The following ZFHX4 variants were observed in gnomAD, a reference collection of about 807,000 sequenced individuals.
ZFHX4 encodes the protein zinc finger homeobox 4, also known as zinc finger homeobox protein 4.
In ZFHX4, 56 loss-of-function variants were observed where a neutral mutation model predicts 267.6. That is an observed-to-expected ratio of 0.21 (90% CI 0.17 to 0.26). The LOEUF (loss-of-function observed/expected upper bound fraction) is 0.26, where lower values mean the gene tolerates loss of function less well. Among genes scored for constraint, ZFHX4 ranks in the 10% least tolerant of loss-of-function variants. The pLI is 1.00. For synonymous variants in ZFHX4, 1,778 were observed against 1,665.6 expected (o/e 1.07, Z -1.64); for missense variants, 4,332 against 4,420.0 (o/e 0.98, Z 0.56).
At chr8:76,826,979 G>A (rs1225415233) in intron 4 of ZFHX4, among the ~76,000 whole-genome samples, 1 of 152,208 alleles carries the variant, frequency 6.6e-6, no homozygotes, top group Non-Finnish European at 1.5e-5. Flanking sequence ...TTTATGGATA[G>A]GGATCAGTTC....
intron 3 of ZFHX4, among the ~76,000 whole-genome samples, chr8:76,774,797 G>T (rs1810362533): frequency 1.3e-5 from 2 of 151,992 alleles, no homozygotes; most frequent in South Asian, 4.2e-4. Context: ...GATTTTTAAA[G>T]ATTTTTAGTG....
chr8:76,834,331 T>C (rs1324368500), intron 5 of ZFHX4: 1 of 251,784 alleles, frequency 4.0e-6, no homozygotes, highest in Non-Finnish European at 8.1e-6. Flanking sequence ...AAAGTGGTTG[T>C]ACCATTTTGC....
At chr8:76,682,813 C>A (rs1807577694) in intron 1 of ZFHX4, among the ~76,000 whole-genome samples, 1 of 152,062 alleles carries the variant, frequency 6.6e-6, no homozygotes, top group Non-Finnish European at 1.5e-5. Flanking sequence ...GCATCAAGTG[C>A]GCCTTCTGGC....
At chr8:76,758,431 T>C (rs1809821133) in intron 3 of ZFHX4, among the ~76,000 whole-genome samples, 1 of 152,176 alleles carries the variant, frequency 6.6e-6, no homozygotes, top group African/African-American at 2.4e-5. Context: ...GAACAGGTAT[T>C]TTCCTCTCAG....
chr8:76,727,231 G>A (rs1386613137), intron 3 of ZFHX4, among the ~76,000 whole-genome samples: 1 of 152,050 alleles, frequency 6.6e-6, no homozygotes, highest in African/African-American at 2.4e-5. Flanking sequence ...GCCACCAAAA[G>A]GAGCCTCTTT....
chr8:76,714,601 G>C (rs1297999545), intron 3 of ZFHX4, among the ~76,000 whole-genome samples: 1 of 152,190 alleles, frequency 6.6e-6, no homozygotes, highest in Non-Finnish European at 1.5e-5. Context: ...ATGGCGATTA[G>C]TATAACAGTC....
intron 4 of ZFHX4, among the ~76,000 whole-genome samples, chr8:76,808,351 A>G (rs1811295403): frequency 6.6e-6 from 1 of 152,182 alleles, no homozygotes; most frequent in Non-Finnish European, 1.5e-5. Flanking sequence ...AAGGAAAATA[A>G]AAGTGTAAGG....
rs958725895 is a variant in ZFHX4 at position 76,803,948 on chromosome 8, A to G, written c.3325+25509A>G. ...GCCCTAGATTTTGAAATACTCCTGCATTAACATTTGATTATAATTCAGACT... is the reference window on the plus strand; with the variant it reads ...GCCCTAGATTTTGAAATACTCCTGCGTTAACATTTGATTATAATTCAGACT... On this transcript the variant is annotated intron_variant, in intron 4 of 10. Transcript: ENST00000651372. Among the ~76,000 whole-genome samples, 7 of 152,166 alleles carry G rather than the reference A, an allele frequency of 4.6e-5. No individual in the cohort carries two copies. The South Asian group carries it at 1.4e-3, about 31-fold the overall frequency.
At position 76,704,619 on chromosome 8, in the gene ZFHX4, T is replaced by C. The variant is rs753175692; in HGVS notation, c.531T>C (p.Ser177=). 6.2e-7 allele frequency: 1 copy of C among 1,613,826 alleles called. No homozygotes were observed. Among genetic ancestry groups the C allele is most frequent in the African/African-American group, 1.3e-5 (1 of 74,896 alleles). The change falls in exon 2 of 11, where the codon AGT becomes AGC. Residue 177 remains serine (S), a synonymous_variant. Transcript: ENST00000651372. ...CCCTGGCATCTGCTGGAGAGAAGAG[T>C]GATCAGTCTGCTTCTGCACCTATGT... ...LDSLASAGEK[S]DQSASAPMSF...
intron 4 of ZFHX4, among the ~76,000 whole-genome samples, chr8:76,789,682 T>A (rs1372076141): frequency 2.0e-5 from 3 of 152,188 alleles, no homozygotes; most frequent in African/African-American, 7.2e-5. Context: ...GGATTTGAGA[T>A]CTGAAGTATC....
intron 1 of ZFHX4, among the ~76,000 whole-genome samples, chr8:76,698,849 G>A (rs1379430027): frequency 6.6e-6 from 1 of 152,104 alleles, no homozygotes; most frequent in Non-Finnish European, 1.5e-5. Flanking sequence ...CGTGACATGG[G>A]TGGAAAGTTT....
At chr8:76,748,783 T>C (rs943863815) in intron 3 of ZFHX4, among the ~76,000 whole-genome samples, 15 of 152,192 alleles carry the variant, frequency 9.9e-5, no homozygotes, top group African/African-American at 3.6e-4. Flanking sequence ...TTCCACTTAC[T>C]GCACCTTTTC....
At position 76,849,090 on chromosome 8, in the gene ZFHX4, T is replaced by A; in HGVS notation, c.3607T>A (p.Ser1203Thr). 1.3e-6 allele frequency: 2 copies of A among 1,567,254 alleles called. No individual in the cohort carries two copies. Among genetic ancestry groups the A allele is most frequent in the Non-Finnish European group, 1.7e-6 (2 of 1,155,598 alleles). The change falls in exon 7 of 11, where the codon TCA becomes ACA. Residue 1203 changes from serine to threonine, a missense_variant. Physicochemically the swap from Ser to Thr is moderately conservative, Grantham distance 58. Transcript: ENST00000651372. ...AKEEDVATKR[S>T]KPTEDNKFCH... ...AGAAGAGGATGTTGCAACAAAAAGG[T>A]CAAAACCTACAGAGGACAATAAATT...
chr8:76,722,890 A>G (rs1176866380), intron 3 of ZFHX4, among the ~76,000 whole-genome samples: 1 of 152,016 alleles, frequency 6.6e-6, no homozygotes, highest in African/African-American at 2.4e-5. Flanking sequence ...TGGTTACACT[A>G]TTATATCTAG....
chr8:76,845,368 T>C (rs1041105079), intron 6 of ZFHX4, among the ~76,000 whole-genome samples: 2 of 152,094 alleles, frequency 1.3e-5, no homozygotes, highest in African/African-American at 2.4e-5. Flanking sequence ...ACATTTGCAT[T>C]GAAAATGTAA....
At chr8:76,720,927 G>A (rs1200294834) in intron 3 of ZFHX4, among the ~76,000 whole-genome samples, 2 of 152,148 alleles carry the variant, frequency 1.3e-5, no homozygotes, top group East Asian at 3.9e-4. Context: ...ACTCAGTCAG[G>A]ACTTGAACTC....
At chr8:76,682,836 AG>A (rs1279202366) in intron 1 of ZFHX4, among the ~76,000 whole-genome samples, 1 of 152,054 alleles carries the variant, frequency 6.6e-6, no homozygotes, top group Non-Finnish European at 1.5e-5. Context: ...GGAGCAGCTA[AG>A]GGAAAAGGGA....
At chr8:76,721,086 G>C (rs543472860) in intron 3 of ZFHX4, among the ~76,000 whole-genome samples, 1 of 152,124 alleles carries the variant, frequency 6.6e-6, no homozygotes, top group Non-Finnish European at 1.5e-5. Flanking sequence ...TGGTCTTTGA[G>C]GGGGACATGT....
chr8:76,834,883 G>A (rs1406541375), intron 5 of ZFHX4, among the ~76,000 whole-genome samples: 3 of 151,274 alleles, frequency 2.0e-5, no homozygotes, highest in Admixed American at 6.6e-5. Flanking sequence ...TTTGTGTTTT[G>A]CAGTTAGGTC....
Sources: allele counts gnomAD v4.1 joint callset (sites outside exome capture counted in the v4.1 genomes callset), GRCh38; gene constraint gnomAD v4.1.1; transcripts MANE v1.5; gene names NCBI Gene and HGNC (gene_info 2026-07-23, HGNC 2026-07-21).